The following PALM2AKAP2 variants were observed in gnomAD, a reference collection of about 807,000 sequenced individuals.
PALM2AKAP2 encodes the protein PALM2-AKAP2 fusion protein.
Under a neutral mutation model 71.5 loss-of-function variants are expected in PALM2AKAP2, and 37 were observed. The observed-to-expected ratio is 0.52, with a 90% CI of 0.40 to 0.68. The LOEUF is 0.68. Among genes scored for constraint, PALM2AKAP2 ranks in the 30% least tolerant of loss-of-function variants. PALM2AKAP2 has a pLI of 0.00. For missense variants in PALM2AKAP2, 1,224 were observed against 1,191.8 expected (o/e 1.03, Z -0.40); for synonymous variants, 468 against 478.8 (o/e 0.98, Z 0.29).
chr9:110,001,451 G>A lies in PALM2AKAP2; in HGVS notation c.497-14503G>A, dbSNP rs562745844. On this transcript the variant is annotated intron_variant, in intron 6 of 9. Coordinates refer to the PALM2AKAP2 transcript ENST00000302798. ...ATAGTTTGAAGTCAGGTAGCGTGAC[G>A]CCTCCAGCTTTGTTCTTTTGGCTTA... 5.9e-5 allele frequency among the ~76,000 whole-genome samples: 9 copies of A among 152,272 alleles called. No homozygotes were observed. The East Asian group carries it at 9.6e-4, about 16-fold the overall frequency.
chr9:109,928,570 C>A (rs959373950), intron 5 of PALM2AKAP2, among the ~76,000 whole-genome samples: 1 of 152,116 alleles, frequency 6.6e-6, no homozygotes, highest in Admixed American at 6.5e-5. Flanking sequence ...CAGACACTTC[C>A]TGTCTATATA....
chr9:109,896,180 C>T lies in PALM2AKAP2; in HGVS notation c.257+15499C>T, dbSNP rs189251168. Among the ~76,000 whole-genome samples, 30 of 150,944 alleles carry T rather than the reference C, an allele frequency of 2.0e-4. No individual in the cohort carries two copies. The East Asian group carries it at 3.7e-3, about 19-fold the overall frequency. On this transcript the variant is annotated intron_variant, in intron 3 of 9. Coordinates refer to the PALM2AKAP2 transcript ENST00000302798. ...AGCCTGGGCAACAAGAGTGAAACTC[C>T]GTCTCAAAAAGAAAAAGAAAAAGAA... is the stretch of plus-strand genomic sequence containing the variant.
chr9:109,777,131 T>A (rs1829359776), upstream of PALM2AKAP2, among the ~76,000 whole-genome samples: 1 of 152,210 alleles, frequency 6.6e-6, no homozygotes. Context: ...CCCTACGCCA[T>A]CAGTCTTAAT....
intron 6 of PALM2AKAP2, among the ~76,000 whole-genome samples, chr9:109,959,235 G>A (rs968948499): frequency 1.3e-5 from 2 of 152,186 alleles, no homozygotes; most frequent in Admixed American, 6.5e-5. Flanking sequence ...CTCCATGAAT[G>A]TCCAGTGTAC....
chr9:109,660,118 G>A (rs1344829209), intron 1 of PALM2AKAP2, among the ~76,000 whole-genome samples: 1 of 152,164 alleles, frequency 6.6e-6, no homozygotes, highest in Non-Finnish European at 1.5e-5. Context: ...ATAGGTATAA[G>A]CTACTGCACC....
intron 1 of PALM2AKAP2, among the ~76,000 whole-genome samples, chr9:109,755,275 A>G (rs1237065378): frequency 1.3e-5 from 2 of 151,962 alleles, no homozygotes; most frequent in Non-Finnish European, 2.9e-5. Flanking sequence ...CTGACCAACA[A>G]GGCTCTTTAT....
At position 110,018,224 on chromosome 9, in the gene PALM2AKAP2, C is replaced by A. The variant is rs115733392; in HGVS notation, c.582+2185C>A. On this transcript the variant is annotated intron_variant, in intron 7 of 9. Coordinates refer to the PALM2AKAP2 transcript ENST00000302798. The stretch of plus-strand genomic sequence containing the variant: ...GAAAATTTCTCACAAGAAAAGATTT[C>A]TTTTACCCCTGCCCTACCCCAGGAA... 5.7e-3 allele frequency among the ~76,000 whole-genome samples: 867 copies of A among 152,244 alleles called. 7 individuals are homozygous for A. The highest frequency in any genetic ancestry group is 0.019 in the African/African-American group (804 of 41,546).
At chr9:110,093,511 C>A (rs1834763799) in intron 1 of PALM2AKAP2, among the ~76,000 whole-genome samples, 1 of 152,128 alleles carries the variant, frequency 6.6e-6, no homozygotes, top group African/African-American at 2.4e-5. Context: ...GCTGAAATAG[C>A]AGAAATATTG....
At chr9:109,886,586 T>A (rs1006371496) in intron 3 of PALM2AKAP2, among the ~76,000 whole-genome samples, 6 of 152,222 alleles carry the variant, frequency 3.9e-5, no homozygotes, top group African/African-American at 1.4e-4. Context: ...AGCCAGGATG[T>A]TAATTCTAGC....
chr9:110,149,809 A>G (rs981580224), intron 2 of PALM2AKAP2, among the ~76,000 whole-genome samples: 1 of 152,198 alleles, frequency 6.6e-6, no homozygotes, highest in Non-Finnish European at 1.5e-5. Context: ...AAAAATACAC[A>G]TGCATTATCT....
At chr9:110,015,127 G>A (rs1186155257) in intron 6 of PALM2AKAP2, among the ~76,000 whole-genome samples, 2 of 151,984 alleles carry the variant, frequency 1.3e-5, no homozygotes, top group African/African-American at 4.8e-5. Context: ...GAGAACATGG[G>A]CAGATTTTAA....
intron 1 of PALM2AKAP2, among the ~76,000 whole-genome samples, chr9:109,649,677 C>A (rs1827199726): frequency 6.6e-6 from 1 of 152,120 alleles, no homozygotes; most frequent in African/African-American, 2.4e-5. Flanking sequence ...AATGGCTTTG[C>A]ATTTATTATC....
At chr9:109,719,394 A>G (rs1327946130) in intron 1 of PALM2AKAP2, among the ~76,000 whole-genome samples, 1 of 152,212 alleles carries the variant, frequency 6.6e-6, no homozygotes, top group Non-Finnish European at 1.5e-5. Context: ...AAGCAACTTT[A>G]TCTCAAGCCC....
chr9:109,744,223 T>C (rs1198214325), intron 1 of PALM2AKAP2, among the ~76,000 whole-genome samples: 1 of 152,164 alleles, frequency 6.6e-6, no homozygotes, highest in Non-Finnish European at 1.5e-5. Flanking sequence ...GGAGAGATAT[T>C]GTTAGATGTG....
At chr9:110,034,405 G>C (rs1360530995) in intron 7 of PALM2AKAP2, among the ~76,000 whole-genome samples, 1 of 151,974 alleles carries the variant, frequency 6.6e-6, no homozygotes, top group African/African-American at 2.4e-5. Context: ...TGACCTGCTC[G>C]CCTCGGCCTC....
chr9:109,883,909 G>C (rs1384248006), intron 3 of PALM2AKAP2, among the ~76,000 whole-genome samples: 1 of 152,148 alleles, frequency 6.6e-6, no homozygotes, highest in East Asian at 1.9e-4. Context: ...CAATGGGAGA[G>C]GTACAAGAGG....
intron 3 of PALM2AKAP2, among the ~76,000 whole-genome samples, chr9:109,923,469 A>G (rs536046459): frequency 2.8e-4 from 42 of 152,368 alleles, no homozygotes; most frequent in African/African-American, 9.4e-4. Context: ...TGGTGTTGGC[A>G]GGGAAACATC....
intron 1 of PALM2AKAP2, among the ~76,000 whole-genome samples, chr9:109,673,145 C>T (rs1366880466): frequency 6.6e-6 from 1 of 151,954 alleles, no homozygotes; most frequent in Non-Finnish European, 1.5e-5. Flanking sequence ...TTGTCTTCTG[C>T]TAGATTTGGG....
intron 3 of PALM2AKAP2, among the ~76,000 whole-genome samples, 186 bp from the exon 10 acceptor site, chr9:110,161,908 T>A (rs951859950): frequency 6.6e-6 from 1 of 151,830 alleles, no homozygotes; most frequent in African/African-American, 2.4e-5. Flanking sequence ...ATCTAGTTGC[T>A]GCAAAGAATA....
Sources: gnomAD v4.1 joint callset for allele counts (sites outside exome capture counted in the v4.1 genomes callset) on GRCh38, gnomAD v4.1.1 for gene constraint, MANE v1.5 for transcripts, NCBI Gene and HGNC (gene_info 2026-07-23, HGNC 2026-07-21) for gene names.